The following MERTK variants were observed in gnomAD, a reference collection of about 807,000 sequenced individuals.
The protein encoded by MERTK is MER proto-oncogene, tyrosine kinase.
In MERTK, 69 loss-of-function variants were observed where a neutral mutation model predicts 99.3. The observed-to-expected ratio is 0.70, with a 90% CI of 0.57 to 0.85. The LOEUF (loss-of-function observed/expected upper bound fraction) is 0.85. Among genes scored for constraint, MERTK ranks in the 40% least tolerant of loss-of-function variants. The pLI is 0.00. For missense variants in MERTK, 1,125 were observed against 1,249.4 expected, an observed-to-expected ratio of 0.90 and a Z score of 1.50; for synonymous variants, 426 against 467.6, an observed-to-expected ratio of 0.91 and a Z score of 1.15.
At chr2:111,948,674 A>T (rs761972518) in intron 4 of MERTK, among the ~76,000 whole-genome samples, 4 of 152,096 alleles carry the variant, frequency 2.6e-5, no homozygotes, top group Non-Finnish European at 5.9e-5. Context: ...TGCTCCTACA[A>T]TACATCTGAA....
chr2:111,983,234 A>G (rs986207253), intron 8 of MERTK, among the ~76,000 whole-genome samples: 18 of 152,170 alleles, frequency 1.2e-4, no homozygotes, highest in African/African-American at 4.3e-4. Flanking sequence ...TCTTTTACTT[A>G]TTCATGAGAT....
At chr2:112,028,143 A>G in intron 18 of MERTK, 1 of 618,380 alleles carries the variant, frequency 1.6e-6, no homozygotes, top group African/African-American at 1.8e-5. Flanking sequence ...CTCTTCCTAG[A>G]AACAGAATCA....
At chr2:111,925,724 G>T (rs939257441) in intron 1 of MERTK, among the ~76,000 whole-genome samples, 1 of 152,018 alleles carries the variant, frequency 6.6e-6, no homozygotes, top group Non-Finnish European at 1.5e-5. Context: ...CACTTTGTTT[G>T]GTGAACAGCT....
intron 17 of MERTK, 33 bp downstream of exon 17, chr2:112,021,614 A>G: frequency 6.4e-7 from 1 of 1,573,686 alleles, no homozygotes; most frequent in Non-Finnish European, 8.7e-7. Flanking sequence ...GGGGTCCCAC[A>G]GCACAAAGAG....
chr2:111,979,694 C>T (rs1012702707), intron 7 of MERTK, among the ~76,000 whole-genome samples: 1 of 151,882 alleles, frequency 6.6e-6, no homozygotes, highest in African/African-American at 2.4e-5. Flanking sequence ...CTTGATTTAT[C>T]TTCCAATTCT....
intron 14 of MERTK, 21 bp from the exon 15 acceptor site, chr2:112,009,927 A>C (rs1188830537): frequency 1.9e-6 from 3 of 1,546,732 alleles, no homozygotes; most frequent in Non-Finnish European, 2.7e-6. Flanking sequence ...TTTGTAATTG[A>C]TGCTGTGTTT....
intron 6 of MERTK, among the ~76,000 whole-genome samples, chr2:111,970,874 CCTT>C (rs199730567): frequency 0.044 from 6,147 of 138,158 alleles, 448 homozygotes; most frequent in African/African-American, 0.17. Flanking sequence ...TCCTTCTTCT[CCTT>C]CTTCTTGTTC....
At chr2:111,920,893 T>C (rs1284191603) in intron 1 of MERTK, among the ~76,000 whole-genome samples, 1 of 152,092 alleles carries the variant, frequency 6.6e-6, no homozygotes, top group Non-Finnish European at 1.5e-5. Context: ...TGACCTCAGG[T>C]GATCTGCCCG....
intron 4 of MERTK, 147 bp downstream of exon 4, chr2:111,947,714 G>T: frequency 1.1e-6 from 1 of 935,256 alleles, no homozygotes. Flanking sequence ...CAGGTAGACG[G>T]GAAGGCAGGT....
chr2:111,940,026 A>G (rs1573586391), intron 2 of MERTK, among the ~76,000 whole-genome samples: 2 of 151,790 alleles, frequency 1.3e-5, no homozygotes, highest in East Asian at 3.9e-4. Context: ...AGCTATCTTT[A>G]CTACTATTCT....
intron 4 of MERTK, among the ~76,000 whole-genome samples, chr2:111,963,764 C>T (rs893030343): frequency 3.3e-5 from 5 of 151,954 alleles, no homozygotes; most frequent in South Asian, 4.2e-4. Context: ...CTACTTCTTT[C>T]TACACAGACA....
intron 2 of MERTK, among the ~76,000 whole-genome samples, chr2:111,944,528 G>GCATTATTCCTTAA (rs1684925411): frequency 6.6e-6 from 1 of 152,198 alleles, no homozygotes; most frequent in African/African-American, 2.4e-5. Context: ...CTGTTTTAAG[G>GCATTATTCCTTAA]AATTAGCTCA....
intron 1 of MERTK, among the ~76,000 whole-genome samples, chr2:111,904,109 G>C (rs1573558428): frequency 1.3e-5 from 2 of 152,228 alleles, no homozygotes; most frequent in East Asian, 3.9e-4. Flanking sequence ...CCAGGACCAA[G>C]CAGTTCTCCA....
intron 8 of MERTK, 62 bp downstream of exon 8, chr2:111,983,055 A>G: frequency 1.2e-6 from 2 of 1,600,346 alleles, no homozygotes; most frequent in African/African-American, 1.3e-5. Flanking sequence ...GGTTTACTTC[A>G]GTTTTAGAAG....
chr2:112,012,240 C>CA (rs1292526848), intron 15 of MERTK, among the ~76,000 whole-genome samples: 1 of 148,294 alleles, frequency 6.7e-6, no homozygotes, highest in African/African-American at 2.5e-5. Flanking sequence ...CCCCGCCCCC[C>CA]ACATCAGTCA....
At chr2:111,957,258 C>T (rs759598781) in intron 4 of MERTK, among the ~76,000 whole-genome samples, 19 of 152,232 alleles carry the variant, frequency 1.2e-4, no homozygotes, top group Middle Eastern at 3.4e-3. Context: ...CATGTGGCCG[C>T]TGGAGCAATC....
chr2:112,026,642 C>T (rs1179776409), intron 18 of MERTK, among the ~76,000 whole-genome samples: 4 of 152,174 alleles, frequency 2.6e-5, no homozygotes, highest in South Asian at 2.1e-4. Flanking sequence ...GGAAATGCGC[C>T]GTGCCGTTGT....
intron 17 of MERTK, 103 bp from the exon 18 acceptor site, chr2:112,022,155 G>T (rs72825667): frequency 0.034 from 51,120 of 1,520,824 alleles, 1,061 homozygotes; most frequent in Middle Eastern, 0.054. Flanking sequence ...CCAGCTTTGT[G>T]CATGATCATC....
intron 7 of MERTK, among the ~76,000 whole-genome samples, chr2:111,977,360 T>C (rs1254260362): frequency 2.0e-5 from 3 of 152,230 alleles, no homozygotes; most frequent in Non-Finnish European, 4.4e-5. Flanking sequence ...TGTTTGTTTT[T>C]ACTTTCAGTA....
Sources: gnomAD v4.1 joint callset for allele counts (sites outside exome capture counted in the v4.1 genomes callset) on GRCh38, gnomAD v4.1.1 for gene constraint, MANE v1.5 for transcripts, NCBI Gene and HGNC (gene_info 2026-07-23, HGNC 2026-07-21) for gene names.